Variants in SLC6A12 observed in about 807,000 individuals in gnomAD.
SLC6A12 encodes solute carrier family 6 member 12.
Under a neutral mutation model 73.3 loss-of-function variants are expected in SLC6A12, and 50 were observed. That is an observed-to-expected ratio of 0.68 (90% CI 0.54 to 0.86). The LOEUF (loss-of-function observed/expected upper bound fraction) is 0.86. Ranked by LOEUF, SLC6A12 falls within the 40% of genes least tolerant of loss-of-function variation. The probability of loss-of-function intolerance (pLI) is 0.00; values close to 1 mark genes in which losing one functional copy is unlikely to be tolerated. For missense variants in SLC6A12, 648 were observed against 772.8 expected, an observed-to-expected ratio of 0.84 and a Z score of 1.92; for synonymous variants, 304 against 309.2, an observed-to-expected ratio of 0.98 and a Z score of 0.18.
chr12:193,333 G>A lies in SLC6A12; in HGVS notation c.1474C>T (p.Arg492Trp), dbSNP rs141848384. The A allele has an allele frequency of 3.3e-4, 529 of 1,613,964 alleles. No homozygotes were observed. The highest frequency in any genetic ancestry group is 4.3e-4 in the Non-Finnish European group (507 of 1,179,958). ...YDNIEDMIGY[R>W]PWPLVKISWL... Reference sequence around the variant, plus strand: ...GAGATCTTCACCAGGGGCCATGGCCGGTAGCCAATCATGTCCTCAATGTTG... The same window carrying A: ...GAGATCTTCACCAGGGGCCATGGCCAGTAGCCAATCATGTCCTCAATGTTG... The change falls in exon 14 of 16, where the codon CGG becomes TGG. Residue 492 changes from arginine to tryptophan, a missense_variant. Physicochemically the swap from Arg to Trp is moderately radical, Grantham distance 101 (BLOSUM62 -3). Transcript: ENST00000684302.
At chr12:204,519 C>A in intron 4 of SLC6A12, 45 bp downstream of exon 4, 1 of 1,598,134 alleles carries the variant, frequency 6.3e-7, no homozygotes. Flanking sequence ...GGGATGCAGG[C>A]AAGATGGCGG....
chr12:196,011 G>A lies in SLC6A12; in HGVS notation c.1326+113C>T, dbSNP rs1939840888. 7.0e-6 allele frequency: 7 copies of A among 993,444 alleles called. No homozygotes were observed. The South Asian group carries it at 8.3e-5, about 12-fold the overall frequency. 61.5% of individuals were successfully genotyped at this position (993,444 alleles called of 1,614,324 possible). ...CTCACTGTGGAGAGGCAGGGCAGGCGTTCACACCCCTCGTCAGCAGATAAG... is the reference window on the plus strand; with the variant it reads ...CTCACTGTGGAGAGGCAGGGCAGGCATTCACACCCCTCGTCAGCAGATAAG... On this transcript the variant is annotated intron_variant, in intron 12 of 15. Coordinates refer to ENST00000684302, the MANE Select transcript of SLC6A12 (RefSeq NM_001122848.3).
intron 2 of SLC6A12, among the ~76,000 whole-genome samples, chr12:210,940 C>A (rs1474108847): frequency 6.6e-6 from 1 of 152,242 alleles, no homozygotes; most frequent in Non-Finnish European, 1.5e-5. Context: ...TACTCTCTGT[C>A]CCTTGGCCTG....
chr12:196,256 G>C lies in SLC6A12; in HGVS notation c.1194C>G (p.Val398=). Reference sequence around the variant, plus strand: ...AGGCTGTCACCAGGCACTCCACACAGACAAACTGTGGGCCAGGAGGGGAAC... The same window carrying C: ...AGGCTGTCACCAGGCACTCCACACACACAAACTGTGGGCCAGGAGGGGAAC... ...LIFLGLDSQF[V]CVECLVTASI... Residue 398 remains valine, a synonymous_variant, in exon 12 of 16, where the codon GTC becomes GTG. Transcript: ENST00000684302. The C allele has an allele frequency of 6.2e-7, 1 of 1,608,452 alleles. No individual in the cohort carries two copies.
At chr12:207,881 A>T (rs1940727293) in intron 3 of SLC6A12, among the ~76,000 whole-genome samples, 1 of 152,160 alleles carries the variant, frequency 6.6e-6, no homozygotes, top group Non-Finnish European at 1.5e-5. Context: ...TTAGGCTGGG[A>T]AGGAGGTAAC....
At chr12:186,185 C>CA (rs1303460681), downstream of SLC6A12, among the ~76,000 whole-genome samples, 1 of 152,104 alleles carries the variant, frequency 6.6e-6, no homozygotes, top group African/African-American at 2.4e-5. Context: ...GCCTGACTCT[C>CA]AAAGAGGGTG....
rs117559149 is a variant in SLC6A12 at position 190,680 on chromosome 12, C to T, written c.*388G>A. The T allele has an allele frequency of 0.012, 1,912 of 158,112 alleles. 18 individuals are homozygous for T. Among genetic ancestry groups the T allele is most frequent in the Middle Eastern group, 0.022 (7 of 316 alleles). 9.8% of individuals were successfully genotyped at this position (158,112 alleles called of 1,614,324 possible). A position where few individuals can be genotyped will look rare whatever the true frequency, so the allele number is the denominator to read the frequency against. The stretch of plus-strand genomic sequence containing the variant: ...GCTCTCCACATTGGACGGCAGTGTG[C>T]GTTCCAATTATAGCTCCTCTCCCCG... On this transcript the variant is annotated 3_prime_UTR_variant, in exon 16 of 16. Transcript: ENST00000684302.
chr12:185,224 G>A (rs1265084505), downstream of SLC6A12, among the ~76,000 whole-genome samples: 1 of 152,254 alleles, frequency 6.6e-6, no homozygotes, highest in Non-Finnish European at 1.5e-5. Flanking sequence ...GGCCGGGTAA[G>A]GCCGCTCCCC....
intron 7 of SLC6A12, chr12:199,826 C>G (rs989003278): frequency 2.0e-5 from 3 of 152,172 alleles, no homozygotes; most frequent in African/African-American, 7.2e-5. Flanking sequence ...GGAACCCCTT[C>G]AATGACTGGA....
chr12:199,029 C>T, intron 7 of SLC6A12, 98 bp from the exon 8 acceptor site: 1 of 1,243,522 alleles, frequency 8.0e-7, no homozygotes, highest in Admixed American at 1.9e-5. Context: ...GAGCTCAGTC[C>T]CAACCTCAGA....
intron 3 of SLC6A12, 91 bp downstream of exon 3, chr12:209,682 C>T: frequency 7.1e-7 from 1 of 1,407,188 alleles, no homozygotes; most frequent in Non-Finnish European, 1.0e-6. Flanking sequence ...CTTTTATAAA[C>T]CACACTGCCC....
At chr12:209,489 T>C (rs192428140) in intron 3 of SLC6A12, among the ~76,000 whole-genome samples, 9 of 152,346 alleles carry the variant, frequency 5.9e-5, no homozygotes, top group East Asian at 1.9e-4. Context: ...CTATCAATGA[T>C]TGACCTTTAC....
At position 196,981 on chromosome 12, in the gene SLC6A12, C is replaced by A. The variant is rs563124903; in HGVS notation, c.1076-99G>T. The A allele has an allele frequency of 1.9e-3, 1,461 of 757,790 alleles. 8 individuals carry two copies. Among genetic ancestry groups the A allele is most frequent in the Middle Eastern group, 0.011 (30 of 2,790 alleles). 46.9% of individuals were successfully genotyped at this position (757,790 alleles called of 1,614,324 possible). ...CACTGTGTGTGTGTGTACCTGTGCACACACTTTAAGAGGAAAGGGTGATTC... is the reference window on the plus strand; with the variant it reads ...CACTGTGTGTGTGTGTACCTGTGCAAACACTTTAAGAGGAAAGGGTGATTC... On this transcript the variant is annotated intron_variant, in intron 10 of 15. Coordinates refer to ENST00000684302, the MANE Select transcript of SLC6A12 (RefSeq NM_001122848.3).
At chr12:200,363 C>G (rs1940185252) in intron 7 of SLC6A12, among the ~76,000 whole-genome samples, 2 of 152,184 alleles carry the variant, frequency 1.3e-5, no homozygotes, top group South Asian at 2.1e-4. Flanking sequence ...CAGCCTCGGC[C>G]TCCCAAAGTG....
intron 3 of SLC6A12, 23 bp from the exon 4 acceptor site, chr12:204,721 G>A (rs1940534766): frequency 6.2e-7 from 1 of 1,613,214 alleles, no homozygotes; most frequent in Non-Finnish European, 8.5e-7. Context: ...GAGAGGCAGG[G>A]CTGAGCCACA....
intron 6 of SLC6A12, among the ~76,000 whole-genome samples, chr12:201,039 G>A (rs1940234480): frequency 6.6e-6 from 1 of 152,186 alleles, no homozygotes; most frequent in Non-Finnish European, 1.5e-5. Flanking sequence ...AGAGAGATGA[G>A]GAATGTATAA....
intron 11 of SLC6A12, 28 bp from the exon 12 acceptor site, chr12:196,289 G>T: frequency 6.2e-7 from 1 of 1,601,022 alleles, no homozygotes; most frequent in Non-Finnish European, 8.5e-7. Flanking sequence ...AACTGGATGA[G>T]AGGGTGTGGG....
chr12:193,293 G>T lies in SLC6A12; in HGVS notation c.1514C>A (p.Thr505Asn), dbSNP rs1339474064. The T allele has an allele frequency of 3.1e-6, 5 of 1,613,126 alleles. No individual in the cohort carries two copies. The African/African-American group carries it at 5.3e-5, about 17-fold the overall frequency. ...GGCACATACCAGGCAAAGTCCAGGG[G>T]TCAGGAAGAGCCAGGAGATCTTCAC... The part of the protein sequence containing the change: ...PLVKISWLFL[T>N]PGLCLATFLF... Residue 505 changes from threonine (T) to asparagine (N), a missense_variant, in exon 14 of 16, where the codon ACC becomes AAC. Coordinates refer to ENST00000684302, the MANE Select transcript of SLC6A12 (RefSeq NM_001122848.3).
At position 193,321 on chromosome 12, in the gene SLC6A12, G is replaced by C; in HGVS notation, c.1486C>G (p.Leu496Val). ...AGGAAGAGCCAGGAGATCTTCACCA[G>C]GGGCCATGGCCGGTAGCCAATCATG... ...EDMIGYRPWP[L>V]VKISWLFLTP... The change falls in exon 14 of 16, where the codon CTG becomes GTG. Residue 496 changes from leucine (L) to valine (V), a missense_variant. Leu to Val is a conservative substitution (Grantham distance 32, BLOSUM62 1). Coordinates refer to ENST00000684302, the MANE Select transcript of SLC6A12 (RefSeq NM_001122848.3). 17 of 1,614,072 alleles carry C rather than the reference G, an allele frequency of 1.1e-5. No individual in the cohort carries two copies. Among genetic ancestry groups the C allele is most frequent in the Non-Finnish European group, 1.4e-5 (17 of 1,179,944 alleles).
Sources: allele counts gnomAD v4.1 joint callset (sites outside exome capture counted in the v4.1 genomes callset), GRCh38; gene constraint gnomAD v4.1.1; transcripts MANE v1.5; gene names NCBI Gene and HGNC (gene_info 2026-07-23, HGNC 2026-07-21).